ZEB2: variants seen among roughly 807,000 people sequenced by gnomAD.
ZEB2 encodes zinc finger E-box binding homeobox 2, also known as zinc finger E-box-binding homeobox 2.
A neutral mutation model predicts 99.9 loss-of-function variants in ZEB2; 6 were observed. The observed-to-expected ratio is 0.06, with a 90% CI of 0.03 to 0.12. ZEB2 has a LOEUF of 0.12. ZEB2 is among the 10% of genes least tolerant of loss of function. ZEB2 has a pLI of 1.00. For missense variants in ZEB2, 969 were observed against 1,502.8 expected, an observed-to-expected ratio of 0.64 and a Z score of 5.87; for synonymous variants, 517 against 542.5, an observed-to-expected ratio of 0.95 and a Z score of 0.65.
At chr2:144,457,011 C>G (rs937508503) in intron 2 of ZEB2, among the ~76,000 whole-genome samples, 1 of 152,146 alleles carries the variant, frequency 6.6e-6, no homozygotes, top group Admixed American at 6.6e-5. Context: ...GCAGCACCCC[C>G]CAAAGGTCTG....
chr2:144,461,002 A>G (rs1487339114), intron 2 of ZEB2: 1 of 152,166 alleles, frequency 6.6e-6, no homozygotes. Context: ...TTTCTTGGAA[A>G]TATGAGTAAT....
intron 2 of ZEB2, 137 bp downstream of exon 2, chr2:144,517,141 C>A (rs1314473442): frequency 4.2e-6 from 4 of 941,418 alleles, no homozygotes; most frequent in Non-Finnish European, 4.3e-6. Context: ...CGGCGCCGGC[C>A]GCGGAGGGAG....
intron 2 of ZEB2, among the ~76,000 whole-genome samples, chr2:144,489,214 G>GA (rs1209564229): frequency 6.6e-6 from 1 of 152,034 alleles, no homozygotes; most frequent in Non-Finnish European, 1.5e-5. Context: ...TACAATGAAA[G>GA]AAAAAATGCA....
chr2:144,465,188 A>G (rs1244433157), intron 2 of ZEB2, among the ~76,000 whole-genome samples: 3 of 151,892 alleles, frequency 2.0e-5, no homozygotes, highest in Admixed American at 6.6e-5. Context: ...CTCAATCATA[A>G]CTCTTTATAT....
At chr2:144,502,036 A>G (rs1704877456) in intron 2 of ZEB2, among the ~76,000 whole-genome samples, 2 of 152,204 alleles carry the variant, frequency 1.3e-5, no homozygotes, top group Admixed American at 6.5e-5. Context: ...TACCACTGAA[A>G]AGAAATGGAC....
intron 2 of ZEB2, among the ~76,000 whole-genome samples, chr2:144,492,217 C>T (rs1704691527): frequency 6.6e-6 from 1 of 152,192 alleles, no homozygotes; most frequent in Non-Finnish European, 1.5e-5. Flanking sequence ...ATTCTAAGTA[C>T]AGAAGGTACT....
intron 2 of ZEB2, among the ~76,000 whole-genome samples, chr2:144,435,599 T>TAAA (rs1271899949): frequency 4.5e-5 from 6 of 134,628 alleles, no homozygotes; most frequent in Non-Finnish European, 6.5e-5. Context: ...ACCCTGTCTT[T>TAAA]AAAAAAAAAA....
intron 8 of ZEB2, among the ~76,000 whole-genome samples, chr2:144,397,199 A>G (rs1703241449): frequency 6.6e-6 from 1 of 152,196 alleles, no homozygotes; most frequent in African/African-American, 2.4e-5. Flanking sequence ...TAAATTATTA[A>G]ATTTCTTGAT....
chr2:144,403,381 T>C (rs1436304928), intron 6 of ZEB2, among the ~76,000 whole-genome samples: 2 of 152,074 alleles, frequency 1.3e-5, no homozygotes, highest in African/African-American at 4.8e-5. Context: ...TTATATATTA[T>C]ATATACACAG....
chr2:144,388,739 A>G lies in ZEB2; in HGVS notation c.*712T>C, dbSNP rs1415777386. 8.0e-6 allele frequency: 3 copies of G among 375,856 alleles called. No homozygotes were observed. The highest frequency in any genetic ancestry group is 7.9e-5 in the Admixed American group (2 of 25,308). The allele number at this position is 375,856 out of a possible 1,614,324, so 23.3% of individuals were successfully genotyped here. On this transcript the variant is annotated 3_prime_UTR_variant, in exon 10 of 10. Transcript: ENST00000627532. The surrounding 1 kb of genome is among the most constrained non-coding windows in gnomAD (Gnocchi z 5.4). ...ACTGTACAAGGATGGCACTTGCAGAAACACAGATTAAAAGGTTTGCATATA... is the reference window on the plus strand; with the variant it reads ...ACTGTACAAGGATGGCACTTGCAGAGACACAGATTAAAAGGTTTGCATATA...
At chr2:144,400,415 G>C in intron 7 of ZEB2, 145 bp from the exon 8 acceptor site, 1 of 894,880 alleles carries the variant, frequency 1.1e-6, no homozygotes, top group Non-Finnish European at 1.7e-6. Flanking sequence ...AGAATTATGT[G>C]ACCATAACCA....
intron 2 of ZEB2, among the ~76,000 whole-genome samples, chr2:144,509,067 G>T (rs986013513): frequency 6.6e-6 from 1 of 151,846 alleles, no homozygotes; most frequent in African/African-American, 2.4e-5. Flanking sequence ...TTAAAAGCTT[G>T]AACAGTTTTC....
chr2:144,392,014 T>C (rs1369268479), intron 9 of ZEB2, among the ~76,000 whole-genome samples: 1 of 152,192 alleles, frequency 6.6e-6, no homozygotes, highest in Non-Finnish European at 1.5e-5. Context: ...AGTCAGTTAA[T>C]GTTAGATCAT....
At chr2:144,498,603 T>C (rs1306849386) in intron 2 of ZEB2, among the ~76,000 whole-genome samples, 2 of 152,152 alleles carry the variant, frequency 1.3e-5, no homozygotes, top group South Asian at 2.1e-4. Context: ...TTCAGTTTCC[T>C]CCATTTAGAG....
At chr2:144,413,430 G>A (rs1199036807) in intron 4 of ZEB2, among the ~76,000 whole-genome samples, 1 of 152,200 alleles carries the variant, frequency 6.6e-6, no homozygotes. Context: ...CATTAGCCAG[G>A]AAGTGAACAG....
chr2:144,402,423 G>GAGCCC (rs1703325001), intron 6 of ZEB2, among the ~76,000 whole-genome samples: 1 of 152,130 alleles, frequency 6.6e-6, no homozygotes. Flanking sequence ...AGATCAAGCA[G>GAGCCC]AGCCCAGCCC....
chr2:144,414,581 G>C (rs1703511033), intron 4 of ZEB2, among the ~76,000 whole-genome samples: 1 of 152,084 alleles, frequency 6.6e-6, no homozygotes, highest in Non-Finnish European at 1.5e-5. Context: ...GGGTGGGGTG[G>C]AGTTCAAAAT....
At chr2:144,415,378 C>T (rs1467878501) in intron 4 of ZEB2, among the ~76,000 whole-genome samples, 3 of 152,324 alleles carry the variant, frequency 2.0e-5, no homozygotes, top group South Asian at 2.1e-4. Context: ...AGAAATGCCT[C>T]AAGCTTAACT....
At chr2:144,414,728 C>G (rs1003450367) in intron 4 of ZEB2, among the ~76,000 whole-genome samples, 2 of 152,326 alleles carry the variant, frequency 1.3e-5, no homozygotes, top group African/African-American at 4.8e-5. Flanking sequence ...ACCCACTGCT[C>G]TTTCTACTGC....
Sources: allele counts gnomAD v4.1 joint callset (sites outside exome capture counted in the v4.1 genomes callset), GRCh38; gene constraint gnomAD v4.1.1; non-coding constraint Gnocchi (gnomAD v3.1); transcripts MANE v1.5; gene names NCBI Gene and HGNC (gene_info 2026-07-23, HGNC 2026-07-21).